The following ASIC2 variants were observed in gnomAD, a reference collection of about 807,000 sequenced individuals.
ASIC2 encodes acid sensing ion channel subunit 2.
A neutral mutation model predicts 57.3 loss-of-function variants in ASIC2; 25 were observed. The ratio of observed to expected loss-of-function variants is 0.44; its 90% CI spans 0.32 to 0.61. ASIC2 has a LOEUF of 0.61. ASIC2 is among the 20% of genes least tolerant of loss of function. The pLI, the probability that ASIC2 is intolerant of heterozygous loss-of-function variation, is 0.06. For synonymous variants in ASIC2, 319 were observed against 307.5 expected (o/e 1.04, Z -0.39); for missense variants, 641 against 738.1 (o/e 0.87, Z 1.52).
intron 1 of ASIC2, among the ~76,000 whole-genome samples, chr17:33,263,814 A>C (rs1199972807): frequency 1.3e-5 from 2 of 152,238 alleles, no homozygotes; most frequent in Non-Finnish European, 2.9e-5. Context: ...TTCCTAAAGC[A>C]TGGTGCCCGG....
chr17:33,309,184 T>A (rs1906304141), intron 1 of ASIC2, among the ~76,000 whole-genome samples: 1 of 152,168 alleles, frequency 6.6e-6, no homozygotes, highest in South Asian at 2.1e-4. Flanking sequence ...TTTATCTTCC[T>A]CCTTTCTCCT....
At chr17:33,967,403 CTT>C (rs1905105538) in intron 1 of ASIC2, among the ~76,000 whole-genome samples, 1 of 152,026 alleles carries the variant, frequency 6.6e-6, no homozygotes, top group Non-Finnish European at 1.5e-5. Flanking sequence ...GCATGGCTAA[CTT>C]TTGTATTTTT....
intron 1 of ASIC2, among the ~76,000 whole-genome samples, chr17:33,777,626 T>C (rs533899694): frequency 1.3e-5 from 2 of 152,238 alleles, no homozygotes; most frequent in South Asian, 2.1e-4. Context: ...AAATTGCCAT[T>C]TGGACACCTG....
chr17:33,940,151 G>C (rs1357258137), intron 1 of ASIC2, among the ~76,000 whole-genome samples: 2 of 152,186 alleles, frequency 1.3e-5, no homozygotes, highest in African/African-American at 4.8e-5. Context: ...TAACTAGGCA[G>C]CGTGCCCAAC....
At chr17:34,077,887 T>C (rs1909730894) in intron 1 of ASIC2, among the ~76,000 whole-genome samples, 2 of 152,174 alleles carry the variant, frequency 1.3e-5, no homozygotes, top group South Asian at 4.2e-4. Flanking sequence ...CCCCAGAACA[T>C]GGCACTCAAA....
intron 1 of ASIC2, among the ~76,000 whole-genome samples, chr17:33,121,901 CA>C (rs1261539389): frequency 6.6e-6 from 1 of 152,180 alleles, no homozygotes; most frequent in Non-Finnish European, 1.5e-5. Flanking sequence ...GAGATCTCCC[CA>C]AGGCTGGCTC....
intron 1 of ASIC2, among the ~76,000 whole-genome samples, chr17:34,020,331 G>T (rs1433465660): frequency 2.0e-5 from 3 of 152,166 alleles, no homozygotes; most frequent in African/African-American, 7.2e-5. Context: ...TGACATCTCA[G>T]ATCTTCAAAT....
At chr17:33,097,366 T>A (rs2092186376) in intron 2 of ASIC2, among the ~76,000 whole-genome samples, 1 of 152,354 alleles carries the variant, frequency 6.6e-6, no homozygotes, top group East Asian at 1.9e-4. Context: ...TTTCATTTTA[T>A]TTTTTTACAT....
intron 1 of ASIC2, among the ~76,000 whole-genome samples, chr17:33,806,394 A>G (rs188455902): frequency 4.5e-4 from 68 of 152,352 alleles, no homozygotes; most frequent in African/African-American, 1.6e-3. Context: ...TAAGAATGTA[A>G]AGGACATTAT....
At chr17:33,763,740 T>C (rs553542929) in intron 1 of ASIC2, among the ~76,000 whole-genome samples, 1 of 152,304 alleles carries the variant, frequency 6.6e-6, no homozygotes, top group East Asian at 1.9e-4. Context: ...TGAGTGAGGA[T>C]GGTGCTGAGA....
At chr17:33,669,508 C>T (rs1203644543) in intron 1 of ASIC2, among the ~76,000 whole-genome samples, 1 of 152,162 alleles carries the variant, frequency 6.6e-6, no homozygotes. Flanking sequence ...ATTTCCTTCA[C>T]CTTCAGCAGC....
intron 1 of ASIC2, among the ~76,000 whole-genome samples, chr17:33,724,211 C>T (rs985516923): frequency 3.9e-5 from 6 of 152,166 alleles, no homozygotes; most frequent in Non-Finnish European, 7.3e-5. Flanking sequence ...ACCATGATTA[C>T]GAGGCCTCCC....
chr17:33,713,386 T>A (rs1331382624), intron 1 of ASIC2, among the ~76,000 whole-genome samples: 1 of 152,236 alleles, frequency 6.6e-6, no homozygotes, highest in African/African-American at 2.4e-5. Flanking sequence ...CTTCTTTGCC[T>A]CTTCCTAACA....
At chr17:33,362,864 GA>G (rs1908664998) in intron 1 of ASIC2, among the ~76,000 whole-genome samples, 1 of 152,212 alleles carries the variant, frequency 6.6e-6, no homozygotes, top group East Asian at 1.9e-4. Context: ...CAGACATGGA[GA>G]AAATGGTTTG....
chr17:33,212,283 G>T lies in ASIC2; in HGVS notation c.708+79125C>A, dbSNP rs202053042. ...GGATTATCTGGGTGATCTCAATGTAGTCCTGAGGGTCCTTGTAAGAGGGAG... is the reference window on the plus strand; with the variant it reads ...GGATTATCTGGGTGATCTCAATGTATTCCTGAGGGTCCTTGTAAGAGGGAG... On this transcript the variant is annotated intron_variant, in intron 1 of 9. Transcript: ENST00000225823. Among the ~76,000 whole-genome samples, 9 of 152,146 alleles carry T rather than the reference G, an allele frequency of 5.9e-5. No homozygotes were observed. In the East Asian group the frequency reaches 1.7e-3, roughly 29 times the overall value.
chr17:34,021,168 A>C (rs920444820), intron 1 of ASIC2, among the ~76,000 whole-genome samples: 1 of 152,086 alleles, frequency 6.6e-6, no homozygotes, highest in African/African-American at 2.4e-5. Context: ...GGGTGCACCA[A>C]AATCTCAGAA....
At chr17:33,912,792 C>T (rs913058410) in intron 1 of ASIC2, among the ~76,000 whole-genome samples, 3 of 152,030 alleles carry the variant, frequency 2.0e-5, no homozygotes, top group Non-Finnish European at 4.4e-5. Flanking sequence ...CCAGCCTGAC[C>T]AACATGGAGA....
At chr17:33,059,068 CA>C (rs1347123000) in intron 3 of ASIC2, among the ~76,000 whole-genome samples, 1 of 151,506 alleles carries the variant, frequency 6.6e-6, no homozygotes, top group Non-Finnish European at 1.5e-5. Context: ...CTAAAAAAAC[CA>C]AAAACCAAAA....
chr17:33,291,379 G>A, intron 1 of ASIC2, 29 bp downstream of exon 1: 1 of 1,572,500 alleles, frequency 6.4e-7, no homozygotes, highest in African/African-American at 1.3e-5. Context: ...GGGCGCAGAG[G>A]GAGCGGGTTC....
Sources: allele counts gnomAD v4.1 joint callset (sites outside exome capture counted in the v4.1 genomes callset), GRCh38; gene constraint gnomAD v4.1.1; transcripts MANE v1.5; gene names NCBI Gene and HGNC (gene_info 2026-07-23, HGNC 2026-07-21).